The following IGF1 variants were observed in gnomAD, a reference collection of about 807,000 sequenced individuals.
IGF1 encodes insulin like growth factor 1, also known as insulin-like growth factor 1.
Under a neutral mutation model 13.8 loss-of-function variants are expected in IGF1, and 4 were observed. The observed-to-expected ratio is 0.29, with a 90% confidence interval of 0.14 to 0.66. The LOEUF (loss-of-function observed/expected upper bound fraction) is 0.66, where lower values mean the gene tolerates loss of function less well. IGF1 is among the 30% of genes least tolerant of loss of function. The pLI is 0.78. For missense variants in IGF1, 124 were observed against 188.5 expected (o/e 0.66, Z 2.00); for synonymous variants, 76 against 72.6 (o/e 1.05, Z -0.23).
At chr12:102,438,611 C>T (rs185056454) in intron 2 of IGF1, among the ~76,000 whole-genome samples, 14 of 152,236 alleles carry the variant, frequency 9.2e-5, no homozygotes, top group Middle Eastern at 3.4e-3. Flanking sequence ...GGAACAAAGG[C>T]GCCTGTATAC....
intron 2 of IGF1, among the ~76,000 whole-genome samples, chr12:102,465,143 A>G (rs1174854544): frequency 6.6e-6 from 1 of 152,218 alleles, no homozygotes; most frequent in African/African-American, 2.4e-5. Flanking sequence ...TTCTTTTTTA[A>G]TTAATGAGGT....
chr12:102,467,554 G>T (rs1880415370), intron 2 of IGF1, among the ~76,000 whole-genome samples: 1 of 152,180 alleles, frequency 6.6e-6, no homozygotes, highest in Non-Finnish European at 1.5e-5. Flanking sequence ...TGGACGGAAT[G>T]CCCAAAGTAC....
At chr12:102,441,922 C>CTTCTTCTTCTTCTTCTTCTTCTT (rs1877810520) in intron 2 of IGF1, among the ~76,000 whole-genome samples, 1 of 122,448 alleles carries the variant, frequency 8.2e-6, no homozygotes, top group Non-Finnish European at 1.7e-5. Context: ...TCTCCTTCTT[C>CTTCTTCTTCTTCTTCTTCTTCTT]TTCTTCTTCT....
At position 102,407,709 on chromosome 12, in the gene IGF1, G is replaced by C. The variant is rs369078476; in HGVS notation, c.403-5143C>G. ...ATGAGCTGCCCATGCTTCCAGATGG[G>C]GGTAGATGCTAGTTTGGAGGGAAAG... On this transcript the variant is annotated intron_variant, in intron 3 of 3. Coordinates refer to ENST00000337514, the MANE Select transcript of IGF1 (RefSeq NM_000618.5). 5.3e-5 allele frequency among the ~76,000 whole-genome samples: 8 copies of C among 152,246 alleles called. No homozygotes were observed. In the East Asian group the frequency reaches 9.6e-4, roughly 18 times the overall value.
At chr12:102,448,732 G>T (rs1411344189) in intron 2 of IGF1, among the ~76,000 whole-genome samples, 1 of 145,294 alleles carries the variant, frequency 6.9e-6, no homozygotes, top group Non-Finnish European at 1.5e-5. Context: ...TCAGAAAGTG[G>T]GCAAAGGGTA....
intron 2 of IGF1, among the ~76,000 whole-genome samples, chr12:102,452,239 G>A (rs1489802636): frequency 8.4e-6 from 1 of 118,618 alleles, no homozygotes; most frequent in Non-Finnish European, 1.6e-5. Flanking sequence ...TCCAGCCTGG[G>A]CGACAGAGCG....
intron 2 of IGF1, among the ~76,000 whole-genome samples, chr12:102,473,182 C>T (rs1013737137): frequency 6.6e-6 from 1 of 152,136 alleles, no homozygotes; most frequent in Admixed American, 6.5e-5. Flanking sequence ...GGGTATTATT[C>T]TTGGCAGGGT....
At chr12:102,419,876 G>T (rs1191319531) in intron 2 of IGF1, among the ~76,000 whole-genome samples, 186 bp from the exon 3 acceptor site, 1 of 152,078 alleles carries the variant, frequency 6.6e-6, no homozygotes, top group Admixed American at 6.5e-5. Flanking sequence ...ATGTCTCCCG[G>T]AGTCTGTACC....
At chr12:102,433,601 G>A (rs1876939481) in intron 2 of IGF1, among the ~76,000 whole-genome samples, 1 of 152,002 alleles carries the variant, frequency 6.6e-6, no homozygotes, top group South Asian at 2.1e-4. Flanking sequence ...GTGAAGACTG[G>A]CCTATTCTTT....
chr12:102,448,996 C>G (rs1234056647), intron 2 of IGF1, among the ~76,000 whole-genome samples: 6 of 152,186 alleles, frequency 3.9e-5, no homozygotes, highest in Admixed American at 3.9e-4. Context: ...GTGGCGATTT[C>G]TCAAGGATCT....
intron 2 of IGF1, among the ~76,000 whole-genome samples, chr12:102,474,940 T>G (rs1055721580): frequency 3.3e-5 from 5 of 152,216 alleles, no homozygotes; most frequent in Admixed American, 1.3e-4. Flanking sequence ...TAAGTGATTC[T>G]GTACTTGTCA....
intron 2 of IGF1, among the ~76,000 whole-genome samples, chr12:102,441,925 C>CTTCTTCTT (rs1877814833): frequency 8.0e-6 from 1 of 125,786 alleles, no homozygotes; most frequent in African/African-American, 2.9e-5. Context: ...CCTTCTTCTT[C>CTTCTTCTT]TTCTTCTTCT....
At chr12:102,444,410 A>T (rs1406543896) in intron 2 of IGF1, among the ~76,000 whole-genome samples, 1 of 151,938 alleles carries the variant, frequency 6.6e-6, no homozygotes, top group African/African-American at 2.4e-5. Context: ...GCAACAGGAG[A>T]GTTAGGATCA....
In IGF1 at chr12:102,415,217, A is replaced by G. The variant is rs575910700; in HGVS notation, c.402+4292T>C. ...ATGGTGTGTCTTTCTACCACTATTCATCAGCCTATGTTACTCATTTGTCCA... is the reference window on the plus strand; with the variant it reads ...ATGGTGTGTCTTTCTACCACTATTCGTCAGCCTATGTTACTCATTTGTCCA... On this transcript the variant is annotated intron_variant, in intron 3 of 3. Coordinates refer to ENST00000337514, the MANE Select transcript of IGF1 (RefSeq NM_000618.5). 1.1e-3 allele frequency among the ~76,000 whole-genome samples: 171 copies of G among 151,896 alleles called. 1 individual carries two copies. Among genetic ancestry groups the G allele is most frequent in the Non-Finnish European group, 2.1e-3 (143 of 67,990 alleles).
At chr12:102,417,651 T>G in intron 3 of IGF1, 1 of 1,398,292 alleles carries the variant, frequency 7.2e-7, no homozygotes, top group South Asian at 1.8e-5. Flanking sequence ...TTCTCCATGT[T>G]TCTTAGCGAG....
At chr12:102,423,683 G>T (rs1375577225) in intron 2 of IGF1, among the ~76,000 whole-genome samples, 1 of 152,160 alleles carries the variant, frequency 6.6e-6, no homozygotes, top group Non-Finnish European at 1.5e-5. Flanking sequence ...ATAATGCATG[G>T]TCGGGGAGTA....
intron 3 of IGF1, among the ~76,000 whole-genome samples, chr12:102,414,733 A>T (rs539775599): frequency 1.7e-4 from 26 of 152,256 alleles, no homozygotes; most frequent in Non-Finnish European, 3.2e-4. Context: ...CTTAAGGACT[A>T]TATTTTAGCC....
At chr12:102,441,906 G>GCTGCTTCTTCTTCTTCCTTCTTCTTCTT in intron 2 of IGF1, among the ~76,000 whole-genome samples, 4 of 100,292 alleles carry the variant, frequency 4.0e-5, no homozygotes, top group Non-Finnish European at 8.3e-5. Context: ...CTATTACACT[G>GCTGCTTCTTCTTCTTCCTTCTTCTTCTT]CTTCTTCTCC....
At chr12:102,427,439 A>G (rs993728325) in intron 2 of IGF1, among the ~76,000 whole-genome samples, 2 of 152,200 alleles carry the variant, frequency 1.3e-5, no homozygotes, top group African/African-American at 4.8e-5. Flanking sequence ...ATATTAAAAC[A>G]CATTCTCTTT....
Sources: allele counts gnomAD v4.1 joint callset (sites outside exome capture counted in the v4.1 genomes callset), GRCh38; gene constraint gnomAD v4.1.1; transcripts MANE v1.5; gene names NCBI Gene and HGNC (gene_info 2026-07-23, HGNC 2026-07-21).